The following PTPRG variants were observed in gnomAD, a reference collection of about 807,000 sequenced individuals.
PTPRG encodes the protein protein tyrosine phosphatase receptor type G.
A neutral mutation model predicts 165.3 loss-of-function variants in PTPRG; 102 were observed. The observed-to-expected ratio is 0.62, with a 90% CI of 0.53 to 0.73. The LOEUF is 0.73. PTPRG is among the 30% of genes least tolerant of loss of function. PTPRG has a pLI of 0.00. For synonymous variants in PTPRG, 675 were observed against 669.5 expected, an observed-to-expected ratio of 1.01 and a Z score of -0.13; for missense variants, 1,866 against 1,861.4, an observed-to-expected ratio of 1.00 and a Z score of -0.05.
chr3:61,720,095 G>A (rs1042994798), intron 1 of PTPRG, among the ~76,000 whole-genome samples: 1 of 151,980 alleles, frequency 6.6e-6, no homozygotes, highest in African/African-American at 2.4e-5. Context: ...TCCTGCTTAG[G>A]GGGTAAACAC....
At chr3:62,142,935 A>G (rs1430328092) in intron 6 of PTPRG, among the ~76,000 whole-genome samples, 1 of 152,162 alleles carries the variant, frequency 6.6e-6, no homozygotes, top group Non-Finnish European at 1.5e-5. Flanking sequence ...GGCCCGCATC[A>G]TATAGAAAGG....
In PTPRG at chr3:62,136,264, G is replaced by C. The variant is rs1703706026; in HGVS notation, c.682+3596G>C. On this transcript the variant is annotated intron_variant, in intron 6 of 29. Transcript: ENST00000474889. ...CCCTCACCATGTATGCATATGCTTG[G>C]TAGAGATGTACAATTAAGTATGTAA... 3.3e-5 allele frequency among the ~76,000 whole-genome samples: 5 copies of C among 152,154 alleles called. No homozygotes were observed. The South Asian group carries it at 1.0e-3, about 32-fold the overall frequency.
intron 26 of PTPRG, among the ~76,000 whole-genome samples, chr3:62,279,638 G>A (rs867517751): frequency 1.3e-5 from 2 of 151,952 alleles, no homozygotes; most frequent in Admixed American, 6.6e-5. Context: ...TAAAACCCAC[G>A]ACAGTTACAG....
intron 1 of PTPRG, among the ~76,000 whole-genome samples, chr3:61,700,198 A>G (rs2030877100): frequency 6.6e-6 from 1 of 152,222 alleles, no homozygotes; most frequent in South Asian, 2.1e-4. Flanking sequence ...CAACCAAGAA[A>G]TAAGTCAACT....
intron 1 of PTPRG, among the ~76,000 whole-genome samples, chr3:61,611,538 G>A (rs530257688): frequency 6.6e-6 from 1 of 152,290 alleles, no homozygotes; most frequent in South Asian, 2.1e-4. Context: ...AAGGAAAAGA[G>A]CGATTTTTCT....
intron 1 of PTPRG, among the ~76,000 whole-genome samples, chr3:61,615,835 C>A (rs1701282271): frequency 6.6e-6 from 1 of 152,192 alleles, no homozygotes; most frequent in Admixed American, 6.5e-5. Flanking sequence ...CTGTCTAGAA[C>A]AAGAAGTTCC....
chr3:62,277,260 G>T (rs1702260968), intron 25 of PTPRG, among the ~76,000 whole-genome samples: 1 of 152,046 alleles, frequency 6.6e-6, no homozygotes, highest in Non-Finnish European at 1.5e-5. Context: ...TGCTTCTTAA[G>T]GAATTAATTT....
intron 1 of PTPRG, among the ~76,000 whole-genome samples, chr3:61,725,931 C>T (rs184959900): frequency 1.3e-5 from 2 of 152,248 alleles, no homozygotes; most frequent in Admixed American, 6.5e-5. Flanking sequence ...TCTGATCCTT[C>T]GGTCCTATCT....
intron 2 of PTPRG, among the ~76,000 whole-genome samples, chr3:61,944,492 T>C (rs1403190280): frequency 6.6e-6 from 1 of 152,114 alleles, no homozygotes; most frequent in Non-Finnish European, 1.5e-5. Flanking sequence ...AGTCTGGGGA[T>C]TAGATGAAGG....
chr3:61,935,689 A>G (rs911217919), intron 2 of PTPRG, among the ~76,000 whole-genome samples: 1 of 131,196 alleles, frequency 7.6e-6, no homozygotes, highest in Admixed American at 7.5e-5. Flanking sequence ...GGAGTCCCTT[A>G]CCTTTTTTTT....
intron 1 of PTPRG, among the ~76,000 whole-genome samples, chr3:61,724,717 C>T (rs972340221): frequency 2.6e-5 from 4 of 151,940 alleles, no homozygotes; most frequent in African/African-American, 9.7e-5. Flanking sequence ...TCAGTGTGGT[C>T]CCAATTTTCA....
intron 2 of PTPRG, among the ~76,000 whole-genome samples, chr3:61,952,814 A>G (rs1033632928): frequency 2.0e-5 from 3 of 152,108 alleles, no homozygotes; most frequent in East Asian, 1.9e-4. Context: ...ACTTGAATCC[A>G]TATTTTCTCC....
At chr3:61,974,739 A>G (rs946775646) in intron 2 of PTPRG, among the ~76,000 whole-genome samples, 1 of 152,174 alleles carries the variant, frequency 6.6e-6, no homozygotes, top group Non-Finnish European at 1.5e-5. Flanking sequence ...TAATACATTT[A>G]TAATGATAAC....
chr3:61,776,853 A>G (rs1309158987), intron 2 of PTPRG, among the ~76,000 whole-genome samples: 2 of 152,038 alleles, frequency 1.3e-5, no homozygotes, highest in African/African-American at 4.8e-5. Context: ...GTGTTGCCAG[A>G]TTTTTTATTT....
chr3:62,008,810 A>G (rs900138316), intron 4 of PTPRG, among the ~76,000 whole-genome samples: 2 of 152,180 alleles, frequency 1.3e-5, no homozygotes, highest in African/African-American at 4.8e-5. Flanking sequence ...TTGTGCTCCT[A>G]TGAGAATGTA....
At chr3:61,576,130 C>A (rs1487166472) in intron 1 of PTPRG, among the ~76,000 whole-genome samples, 1 of 152,150 alleles carries the variant, frequency 6.6e-6, no homozygotes, top group Non-Finnish European at 1.5e-5. Flanking sequence ...ATGCTTTCTT[C>A]TGTGCAGAGC....
chr3:61,742,323 A>T (rs2033022375), intron 1 of PTPRG: 1 of 606,106 alleles, frequency 1.6e-6, no homozygotes, highest in South Asian at 2.3e-5. Flanking sequence ...GGCACGTAGG[A>T]AACAGTTGCG....
chr3:61,746,913 G>A (rs1009328194), intron 1 of PTPRG, among the ~76,000 whole-genome samples: 7 of 152,202 alleles, frequency 4.6e-5, no homozygotes, highest in African/African-American at 1.7e-4. Context: ...AACACTTTGG[G>A]AGGACCAGGT....
At chr3:61,837,684 G>C (rs1331759375) in intron 2 of PTPRG, among the ~76,000 whole-genome samples, 1 of 152,182 alleles carries the variant, frequency 6.6e-6, no homozygotes, top group Non-Finnish European at 1.5e-5. Flanking sequence ...TCACTTGAGG[G>C]TGCTTTCACT....
Sources: allele counts gnomAD v4.1 joint callset (sites outside exome capture counted in the v4.1 genomes callset), GRCh38; gene constraint gnomAD v4.1.1; transcripts MANE v1.5; gene names NCBI Gene and HGNC (gene_info 2026-07-23, HGNC 2026-07-21).